Variants in P2RY14 observed in about 807,000 individuals in gnomAD.
P2RY14 encodes the protein purinergic receptor P2Y14, also known as P2Y purinoceptor 14.
P2RY14 carries 2 observed loss-of-function variants against 0.9 expected under a neutral mutation model. That is an observed-to-expected ratio of 2.16 (90% confidence interval 0.88 to 6.79). P2RY14 has a LOEUF of 6.79. P2RY14 is among the 30% of genes most tolerant of loss of function. The pLI is 0.05. For synonymous variants in P2RY14, 158 were observed against 147.2 expected (o/e 1.07, Z -0.53); for missense variants, 378 against 400.1 (o/e 0.94, Z 0.47).
chr3:151,271,069 A>G (rs925377866), intron 1 of P2RY14, among the ~76,000 whole-genome samples: 4 of 152,124 alleles, frequency 2.6e-5, no homozygotes, highest in Non-Finnish European at 4.4e-5. Flanking sequence ...TGTAGACACC[A>G]TTAAGAAAAT....
intron 1 of P2RY14, among the ~76,000 whole-genome samples, chr3:151,274,433 A>G (rs1741512323): frequency 6.6e-6 from 1 of 152,168 alleles, no homozygotes; most frequent in South Asian, 2.1e-4. Flanking sequence ...TTATAGGCAT[A>G]TTTATAGTGG....
In P2RY14 at chr3:151,261,559, C is replaced by T. The variant is rs76535292; in HGVS notation, c.-133+16728G>A. On this transcript the variant is annotated intron_variant, in intron 1 of 2. Coordinates refer to ENST00000309170, the MANE Select transcript of P2RY14 (RefSeq NM_014879.4). ...CATAACTCCTTAAGCTGGTGGTTCT[C>T]AAAGTGTGGTTCCTGGGCCTGGATC... 437 of 152,230 alleles carry T rather than the reference C, an allele frequency of 2.9e-3. 1 individual carries two copies. The highest frequency in any genetic ancestry group is 0.01 in the Middle Eastern group (3 of 298). 9.4% of individuals were successfully genotyped at this position (152,230 alleles called of 1,614,324 possible). A position where few individuals can be genotyped will look rare whatever the true frequency, so the allele number is the denominator to read the frequency against.
intron 1 of P2RY14, among the ~76,000 whole-genome samples, chr3:151,267,586 A>AT (rs1465945046): frequency 6.6e-6 from 1 of 152,172 alleles, no homozygotes; most frequent in Non-Finnish European, 1.5e-5. Context: ...AATTTAAAAC[A>AT]TTTTTTTAAA....
At chr3:151,245,555 G>T (rs1430117593) in intron 1 of P2RY14, among the ~76,000 whole-genome samples, 1 of 149,754 alleles carries the variant, frequency 6.7e-6, no homozygotes, top group Non-Finnish European at 1.5e-5. Flanking sequence ...AAAGGCCTTT[G>T]ACAAAATTCA....
At chr3:151,258,326 T>A (rs1373039501) in intron 1 of P2RY14, among the ~76,000 whole-genome samples, 1 of 152,364 alleles carries the variant, frequency 6.6e-6, no homozygotes, top group South Asian at 2.1e-4. Flanking sequence ...GTTTGTTGTC[T>A]TGTTGCTGAC....
chr3:151,214,921 G>T (rs923709055), intron 2 of P2RY14, among the ~76,000 whole-genome samples: 2 of 152,130 alleles, frequency 1.3e-5, no homozygotes, highest in African/African-American at 4.8e-5. Context: ...TTTCCTAAAA[G>T]AGAAATTTTT....
At chr3:151,237,121 A>C (rs908092453) in intron 1 of P2RY14, among the ~76,000 whole-genome samples, 4 of 146,654 alleles carry the variant, frequency 2.7e-5, no homozygotes, top group Non-Finnish European at 5.9e-5. Flanking sequence ...GGCTAACTGC[A>C]ACCTCCGTTT....
chr3:151,275,802 G>T (rs188563434), intron 1 of P2RY14, among the ~76,000 whole-genome samples: 1 of 152,290 alleles, frequency 6.6e-6, no homozygotes, highest in Admixed American at 6.5e-5. Context: ...TAGTTTGGTT[G>T]TAGGTATTTT....
chr3:151,270,845 C>T (rs1740809234), intron 1 of P2RY14, among the ~76,000 whole-genome samples: 1 of 152,118 alleles, frequency 6.6e-6, no homozygotes, highest in African/African-American at 2.4e-5. Flanking sequence ...ATCCACAGAA[C>T]CTGCAGGATA....
intron 1 of P2RY14, among the ~76,000 whole-genome samples, chr3:151,257,856 T>G (rs1167771743): frequency 6.6e-6 from 1 of 152,222 alleles, no homozygotes; most frequent in Non-Finnish European, 1.5e-5. Context: ...CAAATTTTTA[T>G]ATTCCAAGTT....
intron 1 of P2RY14, among the ~76,000 whole-genome samples, chr3:151,271,335 T>A (rs1262577492): frequency 1.3e-5 from 2 of 152,138 alleles, no homozygotes; most frequent in African/African-American, 2.4e-5. Context: ...CCCATTAGAA[T>A]GGAAAAAAAC....
At chr3:151,257,578 G>A (rs991305000) in intron 1 of P2RY14, among the ~76,000 whole-genome samples, 2 of 152,304 alleles carry the variant, frequency 1.3e-5, no homozygotes, top group East Asian at 3.9e-4. Flanking sequence ...TGTTCTGTAT[G>A]CCTGGCACAT....
Position 151,213,534 on chromosome 3 carries a change from G to A in P2RY14, c.783C>T (p.Thr261=), listed in dbSNP as rs770001752. Residue 261 remains threonine, a synonymous_variant, in exon 3 of 3, where the codon ACC becomes ACT. Coordinates refer to ENST00000309170, the MANE Select transcript of P2RY14 (RefSeq NM_014879.4). ...IARIPYTKSQ[T]EAHYSCQSKE... ...TTGACTGGCAGCTGTAATGAGCTTCGGTCTGACTCTTTGTGTAGGGGATTC... is the reference window on the plus strand; with the variant it reads ...TTGACTGGCAGCTGTAATGAGCTTCAGTCTGACTCTTTGTGTAGGGGATTC... The A allele has an allele frequency of 4.5e-5, 72 of 1,614,066 alleles. No individual in the cohort carries two copies. Among genetic ancestry groups the A allele is most frequent in the Non-Finnish European group, 5.4e-5 (64 of 1,180,000 alleles).
chr3:151,274,839 C>T (rs1741582212), intron 1 of P2RY14, among the ~76,000 whole-genome samples: 1 of 152,218 alleles, frequency 6.6e-6, no homozygotes, highest in Non-Finnish European at 1.5e-5. Flanking sequence ...AGAACCTTTT[C>T]ATCACACCAT....
chr3:151,253,197 G>T (rs1256957281), intron 1 of P2RY14, among the ~76,000 whole-genome samples: 1 of 152,150 alleles, frequency 6.6e-6, no homozygotes, highest in East Asian at 1.9e-4. Flanking sequence ...CAGTGTCTGA[G>T]ATTTAAGAGC....
chr3:151,245,857 A>T (rs1197274824), intron 1 of P2RY14, among the ~76,000 whole-genome samples: 4 of 151,540 alleles, frequency 2.6e-5, no homozygotes, highest in African/African-American at 9.7e-5. Flanking sequence ...ACATGATTGT[A>T]TATCTAGAAA....
rs1237036382 is a variant in P2RY14 at position 151,243,623 on chromosome 3, A to T, written c.-132-23981T>A. On this transcript the variant is annotated intron_variant, in intron 1 of 2. Coordinates refer to ENST00000309170, the MANE Select transcript of P2RY14 (RefSeq NM_014879.4). ...AAAGAGCTCCTGAAGGAAGCGCTAAACATGGAAAGGAACAACTGGTACCAG... is the reference window on the plus strand; with the variant it reads ...AAAGAGCTCCTGAAGGAAGCGCTAATCATGGAAAGGAACAACTGGTACCAG... 1.1e-4 allele frequency among the ~76,000 whole-genome samples: 17 copies of T among 151,950 alleles called. No individual in the cohort carries two copies. In the East Asian group the frequency reaches 3.3e-3, roughly 29 times the overall value.
At chr3:151,241,475 C>T (rs1291930396) in intron 1 of P2RY14, among the ~76,000 whole-genome samples, 1 of 152,092 alleles carries the variant, frequency 6.6e-6, no homozygotes. Flanking sequence ...TGAAGAAACA[C>T]TAAAGGCAGT....
intron 1 of P2RY14, among the ~76,000 whole-genome samples, chr3:151,266,797 G>A (rs1288172148): frequency 1.4e-4 from 22 of 152,148 alleles, no homozygotes; most frequent in Non-Finnish European, 2.6e-4. Flanking sequence ...TAAGGTCAGA[G>A]CAAAAAAGTG....
Sources: gnomAD v4.1 joint callset for allele counts (sites outside exome capture counted in the v4.1 genomes callset) on GRCh38, gnomAD v4.1.1 for gene constraint, MANE v1.5 for transcripts, NCBI Gene and HGNC (gene_info 2026-07-23, HGNC 2026-07-21) for gene names.